The following KNTC1 variants were observed in gnomAD, a reference collection of about 807,000 sequenced individuals.
The protein encoded by KNTC1 is kinetochore-associated protein 1.
A neutral mutation model predicts 314.4 loss-of-function variants in KNTC1; 253 were observed. The observed-to-expected ratio is 0.80, with a 90% CI of 0.73 to 0.89. The LOEUF is 0.89. KNTC1 is among the 40% of genes least tolerant of loss of function. The pLI, the probability that KNTC1 is intolerant of heterozygous loss-of-function variation, is 0.00. For synonymous variants in KNTC1, 901 were observed against 901.4 expected, an observed-to-expected ratio of 1.00 and a Z score of 0.01; for missense variants, 2,475 against 2,572.9, an observed-to-expected ratio of 0.96 and a Z score of 0.82.
At chr12:122,551,220 T>C in intron 13 of KNTC1, 99 bp from the exon 14 acceptor site, 1 of 785,082 alleles carries the variant, frequency 1.3e-6, no homozygotes, top group Non-Finnish European at 2.1e-6. Context: ...TTAAAGTCCA[T>C]TGATGGATAA....
At chr12:122,578,076 A>G (rs1965149852) in intron 31 of KNTC1, among the ~76,000 whole-genome samples, 1 of 152,222 alleles carries the variant, frequency 6.6e-6, no homozygotes, top group Non-Finnish European at 1.5e-5. Flanking sequence ...GTTGCAATAT[A>G]AACAATGTTT....
intron 16 of KNTC1, among the ~76,000 whole-genome samples, chr12:122,555,394 A>C (rs7971822): frequency 0.04 from 6,034 of 152,246 alleles, 412 homozygotes; most frequent in African/African-American, 0.14. Context: ...TGTACTAAAA[A>C]TACAAATATT....
chr12:122,598,680 C>T (rs886490011), intron 44 of KNTC1, among the ~76,000 whole-genome samples: 2 of 152,106 alleles, frequency 1.3e-5, no homozygotes, highest in Non-Finnish European at 2.9e-5. Flanking sequence ...CTTGGCCTCC[C>T]AAAGTGCTAG....
intron 27 of KNTC1, among the ~76,000 whole-genome samples, chr12:122,574,673 A>G (rs897984206): frequency 6.6e-6 from 1 of 152,082 alleles, no homozygotes; most frequent in Non-Finnish European, 1.5e-5. Flanking sequence ...GGTCTTGAAC[A>G]CCTGGGCTCA....
At chr12:122,528,305 TTTTG>T (rs1960953007) in intron 1 of KNTC1, among the ~76,000 whole-genome samples, 1 of 152,208 alleles carries the variant, frequency 6.6e-6, no homozygotes, top group African/African-American at 2.4e-5. Flanking sequence ...TCCAAACATG[TTTTG>T]TTTCTGTTCC....
Position 122,565,252 on chromosome 12 carries a change from T to TTTA in KNTC1, c.1604+2553_1604+2554insTTA, listed in dbSNP as rs1555226997. On this transcript the variant is annotated intron_variant, in intron 20 of 63. Transcript: ENST00000333479. ...TTTCTCTTGAGTTGTTTTTTTTTTTTAAAAAAAAAAAAACAGAGCTATTTC... is the reference window on the plus strand; with the variant it reads ...TTTCTCTTGAGTTGTTTTTTTTTTTTTTAAAAAAAAAAAAAACAGAGCTATTTC... Among the ~76,000 whole-genome samples, 1,241 of 131,740 alleles carry TTTA rather than the reference T, an allele frequency of 9.4e-3. 20 individuals are homozygous for TTTA. Among genetic ancestry groups the TTTA allele is most frequent in the African/African-American group, 0.033 (1,188 of 36,520 alleles). 86.4% of individuals were successfully genotyped at this position (131,740 alleles called of 152,430 possible). A position where few individuals can be genotyped will look rare whatever the true frequency, so the allele number is the denominator to read the frequency against.
intron 35 of KNTC1, 119 bp from the exon 36 acceptor site, chr12:122,584,774 C>A (rs780293285): frequency 1.6e-6 from 1 of 621,726 alleles, no homozygotes. Flanking sequence ...CTATATGGAA[C>A]CTTTCTATCT....
rs1383428335 is a variant in KNTC1, at chr12:122,539,759, G to A, written c.445+5G>A. The A allele has an allele frequency of 1.4e-6, 2 of 1,414,200 alleles. No individual in the cohort carries two copies. The highest frequency in any genetic ancestry group is 2.8e-5 in the South Asian group (2 of 71,964). 87.6% of individuals were successfully genotyped at this position (1,414,200 alleles called of 1,614,324 possible). Reference sequence around the variant, plus strand: ...AGAAGGATGGTTCAAATGAAGGTAAGTTTTCCTGAATTTTTTTTTGAATGA... The same window carrying A: ...AGAAGGATGGTTCAAATGAAGGTAAATTTTCCTGAATTTTTTTTTGAATGA... On this transcript the variant is annotated splice_donor_5th_base_variant and intron_variant, in intron 5 of 63. Coordinates refer to ENST00000333479, the MANE Select transcript of KNTC1 (RefSeq NM_014708.6).
At chr12:122,533,605 G>A (rs1198582535) in intron 2 of KNTC1, among the ~76,000 whole-genome samples, 1 of 152,114 alleles carries the variant, frequency 6.6e-6, no homozygotes, top group East Asian at 1.9e-4. Context: ...GGGGAGGCAC[G>A]AAGATCCCTT....
chr12:122,574,490 T>A, intron 27 of KNTC1, 110 bp downstream of exon 27: 1 of 658,018 alleles, frequency 1.5e-6, no homozygotes, highest in Non-Finnish European at 2.6e-6. Context: ...GAGATGGGTC[T>A]GGCTGTGTCG....
At chr12:122,572,409 A>G (rs28689662) in intron 24 of KNTC1, among the ~76,000 whole-genome samples, 1 of 151,360 alleles carries the variant, frequency 6.6e-6, no homozygotes, top group African/African-American at 2.5e-5. Context: ...AAAAAAAAAG[A>G]AAAAAGGAAA....
chr12:122,546,654 C>G lies in KNTC1; in HGVS notation c.796C>G (p.Leu266Val), dbSNP rs779611530. The G allele has an allele frequency of 1.9e-6, 3 of 1,583,470 alleles. No homozygotes were observed. The highest frequency in any genetic ancestry group is 2.6e-6 in the Non-Finnish European group (3 of 1,159,750). Residue 266 changes from leucine to valine, a missense_variant, in exon 10 of 64, where the codon CTT (leucine) becomes GTT (valine). Leu to Val is a conservative substitution (Grantham distance 32). Transcript: ENST00000333479. ...AKKFQLIDNL[L>V]FVLDTDNVLS... ...GAAGTTCCAGCTGATAGACAATCTA[C>G]TTTTTGTTCTTGATACTGATGTATG...
At chr12:122,599,743 A>C (rs1871576076) in intron 44 of KNTC1, among the ~76,000 whole-genome samples, 2 of 152,210 alleles carry the variant, frequency 1.3e-5, no homozygotes, top group Non-Finnish European at 2.9e-5. Context: ...CAAAATTTCT[A>C]GGTAACAATA....
At chr12:122,600,764 C>G (rs1871763934) in intron 44 of KNTC1, among the ~76,000 whole-genome samples, 1 of 151,914 alleles carries the variant, frequency 6.6e-6, no homozygotes, top group Admixed American at 6.6e-5. Context: ...CTCCCAGGTT[C>G]AAGCAATTCT....
At chr12:122,571,276 A>G (rs917603169) in intron 24 of KNTC1, 150 bp downstream of exon 24, 2 of 480,926 alleles carry the variant, frequency 4.2e-6, no homozygotes, top group African/African-American at 3.9e-5. Flanking sequence ...TTTCAAATCC[A>G]TATGTAGGAA....
intron 43 of KNTC1, among the ~76,000 whole-genome samples, chr12:122,596,338 C>T (rs1871048996): frequency 6.6e-6 from 1 of 151,942 alleles, no homozygotes; most frequent in African/African-American, 2.4e-5. Flanking sequence ...CCGTCTCGAC[C>T]TCCCAAAGTG....
chr12:122,624,926 T>C (rs1318857473), intron 63 of KNTC1, among the ~76,000 whole-genome samples: 3 of 152,242 alleles, frequency 2.0e-5, no homozygotes, highest in Non-Finnish European at 2.9e-5. Flanking sequence ...TCTTCAGATC[T>C]GGACCCCATG....
intron 55 of KNTC1, 112 bp downstream of exon 55, chr12:122,613,873 C>T (rs1873458367): frequency 8.8e-7 from 1 of 1,135,932 alleles, no homozygotes. Context: ...CAGAGTTTTG[C>T]TCTGTTGCCC....
At chr12:122,548,375 A>G (rs1320057204) in intron 12 of KNTC1, among the ~76,000 whole-genome samples, 4 of 151,750 alleles carry the variant, frequency 2.6e-5, no homozygotes, top group African/African-American at 4.8e-5. Flanking sequence ...ACACCCAGCT[A>G]ATTTTTGTAC....
Sources: gnomAD v4.1 joint callset for allele counts (sites outside exome capture counted in the v4.1 genomes callset) on GRCh38, gnomAD v4.1.1 for gene constraint, MANE v1.5 for transcripts, NCBI Gene and HGNC (gene_info 2026-07-23, HGNC 2026-07-21) for gene names.